ZNRF3: variants seen among roughly 807,000 people sequenced by gnomAD.
ZNRF3 encodes the protein zinc and ring finger 3.
Under a neutral mutation model 72.5 loss-of-function variants are expected in ZNRF3, and 23 were observed. That is an observed-to-expected ratio of 0.32 (90% confidence interval 0.23 to 0.45). The LOEUF is 0.45. ZNRF3 is among the 20% of genes least tolerant of loss of function. ZNRF3 has a pLI of 1.00. For missense variants in ZNRF3, 1,169 were observed against 1,272.1 expected (o/e 0.92, Z 1.23); for synonymous variants, 610 against 545.3 (o/e 1.12, Z -1.65).
rs1432486505 is a variant in ZNRF3 at position 28,936,101 on chromosome 22, C to T, written c.301-50975C>T. ...AGTCAGTTGGTCACTCCCTCCCAAC[C>T]GCCATAGTTTTGTTTCACCTTGGGG... On this transcript the variant is annotated intron_variant, in intron 1 of 8. Transcript: ENST00000544604. Among the ~76,000 whole-genome samples the T allele has an allele frequency of 7.9e-5, 12 of 152,188 alleles. No individual in the cohort carries two copies. The East Asian group carries it at 1.9e-3, about 24-fold the overall frequency.
chr22:29,029,184 G>C (rs2036700896), intron 2 of ZNRF3, among the ~76,000 whole-genome samples: 1 of 152,326 alleles, frequency 6.6e-6, no homozygotes, highest in East Asian at 1.9e-4. Context: ...GAGTTGGAAA[G>C]CTCACCTGGA....
chr22:28,991,818 CCTTTTGTCTT>C (rs1235680135), intron 2 of ZNRF3, among the ~76,000 whole-genome samples: 3 of 152,046 alleles, frequency 2.0e-5, no homozygotes, highest in African/African-American at 7.2e-5. Context: ...CTCTTTGCCT[CCTTTTGTCTT>C]CGCCAGTTTT....
chr22:28,936,070 T>C (rs2034813714), intron 1 of ZNRF3, among the ~76,000 whole-genome samples: 1 of 152,124 alleles, frequency 6.6e-6, no homozygotes, highest in Non-Finnish European at 1.5e-5. Context: ...GGCACAGGTT[T>C]CTCTGAGTCA....
intron 1 of ZNRF3, among the ~76,000 whole-genome samples, chr22:28,894,956 C>T (rs2033962670): frequency 6.6e-6 from 1 of 152,170 alleles, no homozygotes; most frequent in Non-Finnish European, 1.5e-5. Context: ...TGCCCCCCTT[C>T]AGCAGGTACA....
chr22:28,989,701 C>T (rs953872466), intron 2 of ZNRF3, among the ~76,000 whole-genome samples: 3 of 152,114 alleles, frequency 2.0e-5, no homozygotes, highest in Non-Finnish European at 4.4e-5. Flanking sequence ...GGACTCTGTC[C>T]GCTGCAGGCG....
intron 2 of ZNRF3, among the ~76,000 whole-genome samples, chr22:29,022,027 A>AC (rs1343597932): frequency 6.6e-6 from 1 of 152,086 alleles, no homozygotes; most frequent in Non-Finnish European, 1.5e-5. Flanking sequence ...CAAACACCAG[A>AC]CAACTACTGA....
At chr22:28,933,051 A>G (rs1331778083) in intron 1 of ZNRF3, among the ~76,000 whole-genome samples, 1 of 152,242 alleles carries the variant, frequency 6.6e-6, no homozygotes, top group Non-Finnish European at 1.5e-5. Flanking sequence ...ATAGTGGCCA[A>G]ATCTTCCAAA....
In ZNRF3 at chr22:29,049,567, C is replaced by T; in HGVS notation, c.1386C>T (p.Phe462=). The change falls in exon 8 of 9, where the codon TTC becomes TTT. Residue 462 remains phenylalanine (F), a synonymous_variant. Transcript: ENST00000544604. This position sits in a 1 kb window ranked among gnomAD's most constrained non-coding sequence, Gnocchi z 5.2. ...SGRSFSKAAC[F]SQYETMYQHY... is the part of the protein sequence containing the mutation. ...GCAGCTTCTCCAAGGCAGCTTGCTT[C>T]TCCCAGTATGAGACCATGTACCAGC... The T allele has an allele frequency of 6.2e-7, 1 of 1,605,296 alleles. No individual in the cohort carries two copies. Among genetic ancestry groups the T allele is most frequent in the Non-Finnish European group, 8.5e-7 (1 of 1,177,172 alleles).
intron 2 of ZNRF3, among the ~76,000 whole-genome samples, chr22:29,005,233 A>T (rs1198673300): frequency 2.0e-5 from 3 of 152,168 alleles, no homozygotes; most frequent in African/African-American, 2.4e-5. Context: ...TCTGACCCTC[A>T]CTTGCCAGGA....
chr22:29,052,099 A>G (rs2037218035), intron 8 of ZNRF3, among the ~76,000 whole-genome samples: 1 of 152,228 alleles, frequency 6.6e-6, no homozygotes, highest in Non-Finnish European at 1.5e-5. Context: ...TCAGATTGCT[A>G]CAAGATTTCC....
At chr22:28,950,479 C>G (rs919138082) in intron 1 of ZNRF3, among the ~76,000 whole-genome samples, 2 of 152,198 alleles carry the variant, frequency 1.3e-5, no homozygotes, top group Non-Finnish European at 2.9e-5. Context: ...TGCAAAATCA[C>G]AAAGCACTAA....
chr22:28,884,544 C>G (rs2033735849), intron 1 of ZNRF3, among the ~76,000 whole-genome samples: 2 of 152,176 alleles, frequency 1.3e-5, no homozygotes, highest in African/African-American at 4.8e-5. Flanking sequence ...TTCCCCGGAA[C>G]CTGCCGTCCG....
intron 8 of ZNRF3, among the ~76,000 whole-genome samples, chr22:29,052,691 C>CAA (rs35759703): frequency 2.3e-4 from 27 of 118,264 alleles, no homozygotes; most frequent in African/African-American, 7.3e-4. Context: ...GACTCCGTCT[C>CAA]AAAAAAAAAA....
intron 1 of ZNRF3, among the ~76,000 whole-genome samples, chr22:28,887,669 AAG>A (rs904950195): frequency 2.3e-4 from 35 of 152,210 alleles, no homozygotes; most frequent in African/African-American, 8.4e-4. Flanking sequence ...GTTTGCTTGT[AAG>A]AGTGTCAGGC....
chr22:28,887,220 A>AAG (rs67943780), intron 1 of ZNRF3, among the ~76,000 whole-genome samples: 2,337 of 147,996 alleles, frequency 0.016, 21 homozygotes, highest in South Asian at 0.047. Context: ...TATGCCAACG[A>AAG]AGAGAGAGAG....
chr22:28,906,098 G>A (rs1014123677), intron 1 of ZNRF3, among the ~76,000 whole-genome samples: 5 of 152,246 alleles, frequency 3.3e-5, no homozygotes, highest in Admixed American at 2.0e-4. Context: ...GCTGAGGCAA[G>A]TGAATTGCTT....
chr22:29,029,789 CAG>C (rs1189365748), intron 2 of ZNRF3, among the ~76,000 whole-genome samples: 10 of 152,184 alleles, frequency 6.6e-5, no homozygotes, highest in Non-Finnish European at 1.3e-4. Context: ...ACTCAGCCTT[CAG>C]AGAGAGCCTG....
intron 1 of ZNRF3, among the ~76,000 whole-genome samples, chr22:28,933,733 CA>C (rs1462585415): frequency 0.24 from 4,003 of 16,828 alleles, 435 homozygotes; most frequent in East Asian, 0.53. Flanking sequence ...ACCCCCCCCA[CA>C]CACACACACA....
chr22:28,967,082 A>G (rs1433271385), intron 1 of ZNRF3, among the ~76,000 whole-genome samples: 1 of 152,068 alleles, frequency 6.6e-6, no homozygotes, highest in Non-Finnish European at 1.5e-5. Flanking sequence ...GGGTTTCACC[A>G]TGTTGGCTAG....
Sources: gnomAD v4.1 joint callset for allele counts (sites outside exome capture counted in the v4.1 genomes callset) on GRCh38, gnomAD v4.1.1 for gene constraint, Gnocchi (gnomAD v3.1) non-coding constraint, MANE v1.5 for transcripts, NCBI Gene and HGNC (gene_info 2026-07-23, HGNC 2026-07-21) for gene names.